Variants in THAP4 observed in about 807,000 individuals in gnomAD.
THAP4 encodes peroxynitrite isomerase THAP4.
Under a neutral mutation model 48.1 loss-of-function variants are expected in THAP4, and 18 were observed. The observed-to-expected ratio is 0.37, with a 90% confidence interval of 0.26 to 0.56. THAP4 has a LOEUF of 0.56. Ranked by LOEUF, THAP4 falls within the 20% of genes least tolerant of loss-of-function variation. The pLI is 0.78. For synonymous variants in THAP4, 345 were observed against 324.9 expected (o/e 1.06, Z -0.66); for missense variants, 656 against 774.9 (o/e 0.85, Z 1.82).
intron 2 of THAP4, among the ~76,000 whole-genome samples, chr2:241,624,695 T>G (rs1309644193): frequency 1.3e-5 from 2 of 152,182 alleles, no homozygotes; most frequent in African/African-American, 4.8e-5. Context: ...CATGATCAAT[T>G]ATTAACTCTA....
At chr2:241,619,752 G>GA (rs1176963216) in intron 2 of THAP4, among the ~76,000 whole-genome samples, 3 of 138,012 alleles carry the variant, frequency 2.2e-5, no homozygotes, top group Admixed American at 7.1e-5. Flanking sequence ...AGGGGTGAGT[G>GA]AGTTGGTGAG....
At chr2:241,587,530 C>T (rs1237086682) in intron 5 of THAP4, among the ~76,000 whole-genome samples, 3 of 152,180 alleles carry the variant, frequency 2.0e-5, no homozygotes, top group Non-Finnish European at 2.9e-5. Context: ...TTGAATGCTA[C>T]ATTCGTTAAG....
rs1326646684 is a variant in THAP4, at chr2:241,612,438, GA to G, written c.1241-5966del. On this transcript the variant is annotated intron_variant, in intron 2 of 5. Coordinates refer to ENST00000407315, the MANE Select transcript of THAP4 (RefSeq NM_015963.6). This position sits in a 1 kb window ranked among gnomAD's most constrained non-coding sequence, Gnocchi z 4.1. ...CTCCTGGAGACATGCACTCCCAGCA[GA>G]AATGACACACCTGTCCCCACAGGAC... 6.6e-6 allele frequency among the ~76,000 whole-genome samples: 1 copy of G among 152,156 alleles called. No individual in the cohort carries two copies. The highest frequency in any genetic ancestry group is 6.5e-5 in the Admixed American group (1 of 15,274).
chr2:241,605,470 T>C (rs1316297941), intron 3 of THAP4, among the ~76,000 whole-genome samples: 2 of 152,176 alleles, frequency 1.3e-5, no homozygotes, highest in African/African-American at 4.8e-5. Context: ...CCACTCCCCA[T>C]CCCTGGTGGC....
At position 241,633,653 on chromosome 2, in the gene THAP4, C is replaced by T; in HGVS notation, c.504G>A (p.Gln168=). 1.9e-6 allele frequency: 3 copies of T among 1,612,390 alleles called. No homozygotes were observed. The highest frequency in any genetic ancestry group is 2.5e-6 in the Non-Finnish European group (3 of 1,179,944). ...CTCCTGGAGTCCGTTCCAGAGCTTG[C>T]TGGGCCTGCTCCTGGCTGGCGGCCT... The part of the protein sequence containing the change: ...AQEAASQEQA[Q]QALERTPGDG... Residue 168 remains glutamine, a synonymous_variant, in exon 2 of 6, where the codon CAG becomes CAA. Coordinates refer to ENST00000407315, the MANE Select transcript of THAP4 (RefSeq NM_015963.6). This position sits in a 1 kb window ranked among gnomAD's most constrained non-coding sequence, Gnocchi z 7.5.
Position 241,585,943 on chromosome 2 carries a change from AAAAG to A in THAP4, c.1615-1222_1615-1219del, listed in dbSNP as rs1449758874. Reference sequence around the variant, plus strand: ...AAAAAAAAAAAAGAAAAAAAAAAGAAAAAGAAAAAGAAAGAAAAAAAGCACCCTG... The same window carrying A: ...AAAAAAAAAAAAGAAAAAAAAAAGAAAAAAAGAAAGAAAAAAAGCACCCTG... On this transcript the variant is annotated intron_variant, in intron 5 of 5. Transcript: ENST00000407315. Among the ~76,000 whole-genome samples, 3 of 149,338 alleles carry A rather than the reference AAAAG, an allele frequency of 2.0e-5. 1 individual carries two copies. The highest frequency in any genetic ancestry group is 4.4e-5 in the Non-Finnish European group (3 of 67,444).
chr2:241,589,643 T>G (rs1175601370), intron 5 of THAP4, among the ~76,000 whole-genome samples: 1 of 152,052 alleles, frequency 6.6e-6, no homozygotes, highest in African/African-American at 2.4e-5. Flanking sequence ...TGGAAGAGAT[T>G]GGTGCTTACC....
chr2:241,584,581 C>A lies in THAP4; in HGVS notation c.*25G>T, dbSNP rs2066868368. On this transcript the variant is annotated 3_prime_UTR_variant, in exon 6 of 6. Transcript: ENST00000407315. Reference sequence around the variant, plus strand: ...CGTTGAGGCACAGTAGCCAGGCCCTCCCGAGGGCTCCAGAAGCTCTAGGTT... The same window carrying A: ...CGTTGAGGCACAGTAGCCAGGCCCTACCGAGGGCTCCAGAAGCTCTAGGTT... 2 of 1,613,658 alleles carry A rather than the reference C, an allele frequency of 1.2e-6. No homozygotes were observed. Among genetic ancestry groups the A allele is most frequent in the Non-Finnish European group, 1.7e-6 (2 of 1,179,858 alleles).
At chr2:241,596,818 A>T (rs2067054853) in intron 5 of THAP4, among the ~76,000 whole-genome samples, 1 of 148,384 alleles carries the variant, frequency 6.7e-6, no homozygotes, top group Admixed American at 6.7e-5. Context: ...AAACAACAAC[A>T]ACAACAAAAA....
In THAP4 at chr2:241,633,255, G is replaced by C; in HGVS notation, c.902C>G (p.Ser301Cys). Residue 301 changes from serine to cysteine, a missense_variant, in exon 2 of 6, where the codon TCT becomes TGT. Around this residue, in one of 4 missense-constraint regions of THAP4, gnomAD observed 391 missense variants for 412.4 expected, o/e 0.95. Coordinates refer to ENST00000407315, the MANE Select transcript of THAP4 (RefSeq NM_015963.6). The surrounding 1 kb of genome is among the most constrained non-coding windows in gnomAD (Gnocchi z 7.5). Reference sequence around the variant, plus strand: ...TGGGGTGACGTCGGCAGGAGGGGCAGAGGGGCTCTGGGAAGGCTTCTGCGG... The same window carrying C: ...TGGGGTGACGTCGGCAGGAGGGGCACAGGGGCTCTGGGAAGGCTTCTGCGG... Reference protein sequence around the residue: ...ATPQKPSQSPSAPPADVTPKP... With the variant: ...ATPQKPSQSPCAPPADVTPKP... The C allele has an allele frequency of 6.2e-7, 1 of 1,610,930 alleles. No homozygotes were observed. Among genetic ancestry groups the C allele is most frequent in the Non-Finnish European group, 8.5e-7 (1 of 1,179,214 alleles).
chr2:241,617,234 T>C (rs907178794), intron 2 of THAP4, among the ~76,000 whole-genome samples: 2 of 152,198 alleles, frequency 1.3e-5, no homozygotes, highest in African/African-American at 4.8e-5. Context: ...AAGGACCTAG[T>C]CTATTTGTCA....
At chr2:241,585,022 A>C in intron 5 of THAP4, 1 of 348,176 alleles carries the variant, frequency 2.9e-6, no homozygotes, top group Non-Finnish European at 5.4e-6. Context: ...TCGGAAGCTA[A>C]GGAGGGTCGG....
At chr2:241,629,209 A>G (rs1024512649) in intron 2 of THAP4, among the ~76,000 whole-genome samples, 1 of 152,132 alleles carries the variant, frequency 6.6e-6, no homozygotes, top group Non-Finnish European at 1.5e-5. Context: ...GTGGCTCACA[A>G]TTATAAACCC....
intron 2 of THAP4, among the ~76,000 whole-genome samples, chr2:241,615,840 C>T (rs887822798): frequency 1.9e-4 from 29 of 152,210 alleles, no homozygotes; most frequent in African/African-American, 6.3e-4. Context: ...CCCAAGCCCA[C>T]GGTTCCCGAC....
upstream of THAP4, chr2:241,637,564 G>A: frequency 6.7e-7 from 1 of 1,493,560 alleles, no homozygotes; most frequent in Middle Eastern, 1.8e-4. Context: ...CGCCAAAATG[G>A]CGGCTCCCGC....
In THAP4 at chr2:241,633,998, T is replaced by C. The variant is rs776699758; in HGVS notation, c.159A>G (p.Ser53=). The C allele has an allele frequency of 4.3e-6, 7 of 1,614,018 alleles. No homozygotes were observed. The African/African-American group carries it at 6.7e-5, about 15-fold the overall frequency. ...QRDNWTPTKY[S]FLCSEHFTKD... is the part of the protein sequence containing the mutation. ...TGGTGAAATGCTCACTACAGAGAAA[T>C]GAATACTTAGTGGGAGTCCAGTTAT... The change falls in exon 2 of 6, where the codon TCA becomes TCG. Residue 53 remains serine, a synonymous_variant. Transcript: ENST00000407315. This position sits in a 1 kb window ranked among gnomAD's most constrained non-coding sequence, Gnocchi z 7.5.
chr2:241,626,022 T>C (rs951867145), intron 2 of THAP4, among the ~76,000 whole-genome samples: 1 of 152,150 alleles, frequency 6.6e-6, no homozygotes, highest in Non-Finnish European at 1.5e-5. Context: ...AGGCAAATCA[T>C]CTGACCGTAA....
In THAP4 at chr2:241,628,769, A is replaced by G. The variant is rs148272535; in HGVS notation, c.1240+4148T>C. Among the ~76,000 whole-genome samples the G allele has an allele frequency of 4.0e-4, 61 of 151,712 alleles. No individual in the cohort carries two copies. In the East Asian group the frequency reaches 0.012, roughly 29 times the overall value. On this transcript the variant is annotated intron_variant, in intron 2 of 5. Coordinates refer to ENST00000407315, the MANE Select transcript of THAP4 (RefSeq NM_015963.6). ...AAAACAAAAAACAAAAAAAACAAAA[A>G]AACAAAAAAACACACAAAAAATTAG...
In THAP4 at chr2:241,606,308, A is replaced by T. The variant is rs962042026; in HGVS notation, c.1400+6T>A. 133 of 1,549,142 alleles carry T rather than the reference A, an allele frequency of 8.6e-5. No individual in the cohort carries two copies. The highest frequency in any genetic ancestry group is 1.2e-4 in the Non-Finnish European group (133 of 1,144,814). ...AAGCAGGGTGGGGTGGAGGGAGACA[A>T]CTTACGAGAAGTTCAGCATGGGCTG... On this transcript the variant is annotated splice_donor_region_variant and intron_variant, in intron 3 of 5. Transcript: ENST00000407315.
Sources: gnomAD v4.1 joint callset for allele counts (sites outside exome capture counted in the v4.1 genomes callset) on GRCh38, gnomAD v4.1.1 for gene constraint, gnomAD v4.1.1 regional missense constraint, Gnocchi (gnomAD v3.1) non-coding constraint, MANE v1.5 for transcripts, NCBI Gene and HGNC (gene_info 2026-07-23, HGNC 2026-07-21) for gene names.